DNM2: variants seen among roughly 807,000 people sequenced by gnomAD.
DNM2 encodes the protein dynamin 2.
Under a neutral mutation model 99.0 loss-of-function variants are expected in DNM2, and 15 were observed. The ratio of observed to expected loss-of-function variants is 0.15; its 90% CI spans 0.10 to 0.23. The LOEUF (loss-of-function observed/expected upper bound fraction) is 0.23, where lower values mean the gene tolerates loss of function less well. Ranked by LOEUF, DNM2 falls within the 10% of genes least tolerant of loss-of-function variation. DNM2 has a pLI of 1.00. For synonymous variants in DNM2, 525 were observed against 481.2 expected (o/e 1.09, Z -1.19); for missense variants, 742 against 1,189.4 (o/e 0.62, Z 5.53).
intron 12 of DNM2, 35 bp downstream of exon 12, chr19:10,802,393 A>T: frequency 1.9e-6 from 3 of 1,604,906 alleles, no homozygotes; most frequent in Non-Finnish European, 2.6e-6. Context: ...GTCGGGCGGC[A>T]CCAATCCTCA....
chr19:10,808,894 A>C, intron 14 of DNM2: 3 of 337,698 alleles, frequency 8.9e-6, no homozygotes, highest in East Asian at 5.3e-5. Flanking sequence ...CTCCCCTCAC[A>C]TCCCTGGCTG....
At chr19:10,777,582 T>C (rs2071196367) in intron 5 of DNM2, among the ~76,000 whole-genome samples, 1 of 152,070 alleles carries the variant, frequency 6.6e-6, no homozygotes, top group Non-Finnish European at 1.5e-5. Flanking sequence ...GAGCCTTCCC[T>C]TCCCTTTTCC....
chr19:10,736,272 AAAAAAAAG>A (rs1344758985), intron 1 of DNM2, among the ~76,000 whole-genome samples: 2 of 151,644 alleles, frequency 1.3e-5, no homozygotes, highest in Admixed American at 1.3e-4. Context: ...CTCAAAAAAA[AAAAAAAAG>A]AAAAAAAGAA....
At chr19:10,749,612 C>A (rs1434391470) in intron 1 of DNM2, among the ~76,000 whole-genome samples, 1 of 152,256 alleles carries the variant, frequency 6.6e-6, no homozygotes, top group African/African-American at 2.4e-5. Context: ...CAGGGCCACA[C>A]AGCCCAGGAG....
rs2072829349 is a variant in DNM2, at chr19:10,818,070, C to T, written c.1672-1910C>T. On this transcript the variant is annotated intron_variant, in intron 15 of 20. Coordinates refer to ENST00000389253, the MANE Select transcript of DNM2 (RefSeq NM_001005361.3). The surrounding 1 kb of genome is among the most constrained non-coding windows in gnomAD (Gnocchi z 4.3). ...CCTCCCCTAGCCCCTTCTAAAGCCC[C>T]CAAAACTCTTCCCCGAAAGGTGGGA... Among the ~76,000 whole-genome samples, 1 of 152,106 alleles carries T rather than the reference C, an allele frequency of 6.6e-6. No individual in the cohort carries two copies. The highest frequency in any genetic ancestry group is 6.5e-5 in the Admixed American group (1 of 15,272).
At chr19:10,757,526 A>G (rs542926378) in intron 1 of DNM2, among the ~76,000 whole-genome samples, 1 of 152,254 alleles carries the variant, frequency 6.6e-6, no homozygotes, top group Non-Finnish European at 1.5e-5. Context: ...AGTGCTAGTG[A>G]CACTCACTCA....
chr19:10,831,443 C>T lies in DNM2; in HGVS notation c.*396C>T. The T allele has an allele frequency of 4.0e-6, 4 of 1,009,168 alleles. No individual in the cohort carries two copies. The highest frequency in any genetic ancestry group is 4.7e-6 in the Non-Finnish European group (4 of 845,670). 62.5% of individuals were successfully genotyped at this position (1,009,168 alleles called of 1,614,324 possible). A position where few individuals can be genotyped will look rare whatever the true frequency, so the allele number is the denominator to read the frequency against. ...GCGGGCACCAAGGGCGCCTACATCC[C>T]CAGGCCTTGCTGGGGTGCAGGGGTA... On this transcript the variant is annotated 3_prime_UTR_variant, in exon 21 of 21. Transcript: ENST00000389253. The surrounding 1 kb of genome is among the most constrained non-coding windows in gnomAD (Gnocchi z 4.3).
chr19:10,755,441 A>G (rs1362299540), intron 1 of DNM2: 2 of 148,958 alleles, frequency 1.3e-5, no homozygotes, highest in South Asian at 2.1e-4. Context: ...CCAGCGCCGC[A>G]TGGTTTCTGA....
intron 1 of DNM2, among the ~76,000 whole-genome samples, chr19:10,730,961 C>T (rs540280808): frequency 6.6e-6 from 1 of 152,322 alleles, no homozygotes; most frequent in South Asian, 2.1e-4. Flanking sequence ...GCAGAGCTGT[C>T]CCAGGCCCTG....
chr19:10,805,461 C>A (rs2072297178), intron 12 of DNM2, among the ~76,000 whole-genome samples: 1 of 152,188 alleles, frequency 6.6e-6, no homozygotes, highest in Non-Finnish European at 1.5e-5. Context: ...CACAGTGAAA[C>A]CTCGTCTCTA....
chr19:10,767,452 C>G (rs1186936810), intron 2 of DNM2, among the ~76,000 whole-genome samples: 2 of 152,240 alleles, frequency 1.3e-5, no homozygotes, highest in Non-Finnish European at 2.9e-5. Context: ...GCTGGAACTA[C>G]AGGCTTGCGC....
chr19:10,798,512 G>C lies in DNM2; in HGVS notation c.1362G>C (p.Glu454Asp). 1 of 1,614,216 alleles carries C rather than the reference G, an allele frequency of 6.2e-7. No homozygotes were observed. Among genetic ancestry groups the C allele is most frequent in the Non-Finnish European group, 8.5e-7 (1 of 1,180,030 alleles). ...EKLSSYPRLR[E>D]ETERIVTTYI... Reference sequence around the variant, plus strand: ...TCAGTTCCTACCCCCGGTTGCGAGAGGAGACAGAGCGAATCGTCACCACTT... The same window carrying C: ...TCAGTTCCTACCCCCGGTTGCGAGACGAGACAGAGCGAATCGTCACCACTT... The change falls in exon 11 of 21, where the codon GAG (glutamate) becomes GAC (aspartate). Residue 454 changes from glutamate (E) to aspartate (D), a missense_variant. Glu to Asp is a conservative substitution (Grantham distance 45, BLOSUM62 2). Around this residue, in one of 7 missense-constraint regions of DNM2, gnomAD observed 240 missense variants for 431.3 expected, o/e 0.56. Coordinates refer to ENST00000389253, the MANE Select transcript of DNM2 (RefSeq NM_001005361.3).
chr19:10,798,878 C>T (rs919256338), intron 11 of DNM2, among the ~76,000 whole-genome samples: 7 of 152,160 alleles, frequency 4.6e-5, no homozygotes, highest in East Asian at 1.9e-4. Flanking sequence ...AGAGCGGTTC[C>T]GTCACCTCCT....
chr19:10,786,283 C>G, intron 6 of DNM2: 1 of 510,604 alleles, frequency 2.0e-6, no homozygotes. Context: ...TCCTTGCAAG[C>G]TGTTGCTTGT....
At chr19:10,728,902 G>A (rs931991237) in intron 1 of DNM2, among the ~76,000 whole-genome samples, 2 of 150,962 alleles carry the variant, frequency 1.3e-5, no homozygotes, top group African/African-American at 4.9e-5. Context: ...AGCTATGATT[G>A]CACCACTGCG....
chr19:10,723,132 ATTTTTTT>A (rs1203412676), intron 1 of DNM2, among the ~76,000 whole-genome samples: 2 of 113,926 alleles, frequency 1.8e-5, no homozygotes, highest in Non-Finnish European at 3.6e-5. Flanking sequence ...CACCTGGCTA[ATTTTTTT>A]TTTTTTTTTT....
At chr19:10,808,700 A>G (rs2146094231) in intron 14 of DNM2, 120 bp downstream of exon 14, 2 of 1,327,452 alleles carry the variant, frequency 1.5e-6, no homozygotes, top group East Asian at 5.1e-5. Context: ...CTAAAAATCG[A>G]GCTAACCTGG....
chr19:10,779,505 T>TC (rs1379552126), intron 5 of DNM2, among the ~76,000 whole-genome samples: 77 of 112,144 alleles, frequency 6.9e-4, no homozygotes, highest in African/African-American at 2.7e-3. Flanking sequence ...TTTCTTTCTT[T>TC]TTTTTTTTTT....
rs534518685 is a variant in DNM2 at position 10,830,112 on chromosome 19, T to A, written c.2292-15T>A. 2.8e-5 allele frequency: 45 copies of A among 1,613,590 alleles called. 2 individuals carry two copies. In the African/African-American group the frequency reaches 3.5e-4, roughly 12 times the overall value. ...CCATCTGTATCTGTAGCTCACACCCTCTCCTTCCTCACAGCCCCACTCCAC... is the reference window on the plus strand; with the variant it reads ...CCATCTGTATCTGTAGCTCACACCCACTCCTTCCTCACAGCCCCACTCCAC... On this transcript the variant is annotated splice_polypyrimidine_tract_variant and intron_variant, in intron 19 of 20. Transcript: ENST00000389253. The surrounding 1 kb of genome is among the most constrained non-coding windows in gnomAD (Gnocchi z 4.8).
Sources: gnomAD v4.1 joint callset for allele counts (sites outside exome capture counted in the v4.1 genomes callset) on GRCh38, gnomAD v4.1.1 for gene constraint, gnomAD v4.1.1 regional missense constraint, Gnocchi (gnomAD v3.1) non-coding constraint, MANE v1.5 for transcripts, NCBI Gene and HGNC (gene_info 2026-07-23, HGNC 2026-07-21) for gene names.